YAE1: variants seen among roughly 807,000 people sequenced by gnomAD.
The protein encoded by YAE1 is protein YAE1 homolog.
YAE1 carries 22 observed loss-of-function variants against 23.0 expected under a neutral mutation model. That is an observed-to-expected ratio of 0.96 (90% CI 0.68 to 1.37). YAE1 has a LOEUF of 1.37. YAE1 is among the 40% of genes most tolerant of loss of function. The pLI, the probability that YAE1 is intolerant of heterozygous loss-of-function variation, is 0.00. For synonymous variants in YAE1, 101 were observed against 97.0 expected, an observed-to-expected ratio of 1.04 and a Z score of -0.24; for missense variants, 260 against 262.1, an observed-to-expected ratio of 0.99 and a Z score of 0.06.
At chr7:39,607,618 G>A (rs1791148699) in intron 2 of YAE1, among the ~76,000 whole-genome samples, 1 of 152,180 alleles carries the variant, frequency 6.6e-6, no homozygotes, top group Non-Finnish European at 1.5e-5. Context: ...TAAGTTTGTG[G>A]TAATTGATCA....
intron 2 of YAE1, among the ~76,000 whole-genome samples, chr7:39,583,499 T>C (rs922695270): frequency 3.3e-5 from 5 of 152,244 alleles, no homozygotes; most frequent in African/African-American, 1.2e-4. Flanking sequence ...CAGAAAATTC[T>C]ATGAGAAGTG....
intron 2 of YAE1, among the ~76,000 whole-genome samples, chr7:39,599,271 C>A (rs1791020596): frequency 6.6e-6 from 1 of 152,112 alleles, no homozygotes; most frequent in South Asian, 2.1e-4. Context: ...ATAAATAAAT[C>A]CTCACTCTGC....
chr7:39,611,035 C>T (rs902851075), downstream of YAE1, among the ~76,000 whole-genome samples: 3 of 151,982 alleles, frequency 2.0e-5, no homozygotes, highest in Non-Finnish European at 4.4e-5. Flanking sequence ...GTAATCCCAG[C>T]TTCTCGGGAG....
chr7:39,602,995 T>G (rs1791074847), intron 2 of YAE1, among the ~76,000 whole-genome samples: 1 of 152,240 alleles, frequency 6.6e-6, no homozygotes, highest in Admixed American at 6.5e-5. Context: ...ATGATCTGCC[T>G]ACCTTGGCCT....
chr7:39,571,685 A>C (rs1419249777), intron 2 of YAE1, among the ~76,000 whole-genome samples: 4 of 152,212 alleles, frequency 2.6e-5, no homozygotes, highest in African/African-American at 4.8e-5. Context: ...TTATTTTATG[A>C]CATGACTATA....
intron 2 of YAE1, among the ~76,000 whole-genome samples, chr7:39,585,391 A>G (rs1198123074): frequency 2.0e-5 from 3 of 152,168 alleles, no homozygotes; most frequent in Non-Finnish European, 4.4e-5. Flanking sequence ...TTGGACACAC[A>G]AAGAAATACC....
intron 2 of YAE1, among the ~76,000 whole-genome samples, chr7:39,599,517 G>C (rs571735910): frequency 6.6e-6 from 1 of 151,914 alleles, no homozygotes; most frequent in Admixed American, 6.6e-5. Context: ...TGGGACTATA[G>C]GCATGTGCCA....
chr7:39,573,838 A>G (rs1275026061), downstream of YAE1, among the ~76,000 whole-genome samples: 1 of 152,196 alleles, frequency 6.6e-6, no homozygotes, highest in Non-Finnish European at 1.5e-5. Flanking sequence ...TTCAGGATTT[A>G]TTAAAACCCC....
At chr7:39,580,128 G>C (rs868094879) in intron 2 of YAE1, among the ~76,000 whole-genome samples, 3 of 152,210 alleles carry the variant, frequency 2.0e-5, no homozygotes, top group Middle Eastern at 3.2e-3. Flanking sequence ...TGTAGAAAAA[G>C]AGATGGTCCC....
intron 2 of YAE1, among the ~76,000 whole-genome samples, chr7:39,581,624 C>T (rs1184331607): frequency 6.6e-6 from 1 of 152,102 alleles, no homozygotes; most frequent in Non-Finnish European, 1.5e-5. Flanking sequence ...ATAATCCCAG[C>T]ACTTTGGGAA....
intron 2 of YAE1, among the ~76,000 whole-genome samples, chr7:39,583,896 A>G (rs10272782): frequency 0.27 from 41,593 of 152,162 alleles, 6,434 homozygotes; most frequent in African/African-American, 0.43. Context: ...ATCTGCATAT[A>G]TGGAGCACTT....
intron 2 of YAE1, among the ~76,000 whole-genome samples, chr7:39,599,387 T>TTTGTTG (rs1791022407): frequency 6.6e-6 from 1 of 152,164 alleles, no homozygotes; most frequent in African/African-American, 2.4e-5. Flanking sequence ...TGTTTTTGTT[T>TTTGTTG]TTGTTTGAAA....
chr7:39,590,950 G>A (rs1370857925), intron 2 of YAE1, among the ~76,000 whole-genome samples: 2 of 152,186 alleles, frequency 1.3e-5, no homozygotes, highest in East Asian at 3.8e-4. Flanking sequence ...ACTGCAGACT[G>A]GGTGGCTGGG....
Position 39,572,298 on chromosome 7 carries a change from C to A in YAE1, c.273C>A (p.His91Gln), listed in dbSNP as rs765172035. The A allele has an allele frequency of 6.2e-6, 10 of 1,612,436 alleles. No individual in the cohort carries two copies. The highest frequency in any genetic ancestry group is 2.7e-5 in the African/African-American group (2 of 74,872). ...TCAGTGCTTTGCTCTCCTGGTGTCACCTTCATAATAATAATTCAACTTTGA... is the reference window on the plus strand; with the variant it reads ...TCAGTGCTTTGCTCTCCTGGTGTCAACTTCATAATAATAATTCAACTTTGA... ...GTLSALLSWC[H>Q]LHNNNSTLIN... is the part of the protein sequence containing the mutation. The change falls in exon 3 of 3, where the codon CAC (histidine) becomes CAA (glutamine). Residue 91 changes from histidine to glutamine, a missense_variant. Transcript: ENST00000223273.
downstream of YAE1, among the ~76,000 whole-genome samples, chr7:39,611,443 A>G (rs1051450802): frequency 6.6e-6 from 1 of 152,226 alleles, no homozygotes; most frequent in African/African-American, 2.4e-5. Flanking sequence ...GCTCGGGGGC[A>G]TAAGGTAGGT....
At chr7:39,582,067 A>G (rs1291023588) in intron 2 of YAE1, among the ~76,000 whole-genome samples, 1 of 150,892 alleles carries the variant, frequency 6.6e-6, no homozygotes, top group Admixed American at 6.6e-5. Context: ...AGCTGGGACT[A>G]CAGGCACTAC....
At chr7:39,586,011 G>A (rs1790808966) in intron 2 of YAE1, among the ~76,000 whole-genome samples, 1 of 151,990 alleles carries the variant, frequency 6.6e-6, no homozygotes, top group Non-Finnish European at 1.5e-5. Flanking sequence ...GAGGTGGAAG[G>A]ATCACTGTAA....
intron 2 of YAE1, among the ~76,000 whole-genome samples, chr7:39,599,251 T>TAAATA (rs150136918): frequency 2.6e-5 from 4 of 151,954 alleles, no homozygotes; most frequent in African/African-American, 9.7e-5. Context: ...AAAGTAATAA[T>TAAATA]AATAAATAAA....
intron 2 of YAE1, among the ~76,000 whole-genome samples, chr7:39,587,020 T>TTCTTTTATTTC (rs144211272): frequency 2.0e-5 from 3 of 150,204 alleles, no homozygotes; most frequent in Non-Finnish European, 4.4e-5. Context: ...TTCTTTTCTT[T>TTCTTTTATTTC]TCTTTCTCTT....
Sources: allele counts gnomAD v4.1 joint callset (sites outside exome capture counted in the v4.1 genomes callset), GRCh38; gene constraint gnomAD v4.1.1; transcripts MANE v1.5; gene names NCBI Gene and HGNC (gene_info 2026-07-23, HGNC 2026-07-21).